FAM107B: variants seen among roughly 807,000 people sequenced by gnomAD.
FAM107B encodes the protein family with sequence similarity 107 member B.
FAM107B carries 21 observed loss-of-function variants against 31.5 expected under a neutral mutation model. That is an observed-to-expected ratio of 0.67 (90% confidence interval 0.47 to 0.96). The LOEUF (loss-of-function observed/expected upper bound fraction) is 0.96, where lower values mean the gene tolerates loss of function less well. Ranked by LOEUF, FAM107B falls within the 40% of genes least tolerant of loss-of-function variation. The pLI is 0.00. For synonymous variants in FAM107B, 157 were observed against 141.5 expected (o/e 1.11, Z -0.78); for missense variants, 452 against 377.1 (o/e 1.20, Z -1.64).
At chr10:14,609,806 G>A (rs995251088) in intron 2 of FAM107B, among the ~76,000 whole-genome samples, 1 of 152,208 alleles carries the variant, frequency 6.6e-6, no homozygotes, top group African/African-American at 2.4e-5. Context: ...ACAGATGGAA[G>A]GACAGGCAAA....
chr10:14,754,025 G>T lies in FAM107B; in HGVS notation c.411+20228C>A, dbSNP rs1243449210. The stretch of plus-strand genomic sequence containing the variant: ...ACCATCTCAGCTCACTGCAACTCCT[G>T]CCTCCTGGGTTCAAGCGATTCTCCC... On this transcript the variant is annotated intron_variant, in intron 1 of 4. Transcript: ENST00000181796. 2.0e-5 allele frequency among the ~76,000 whole-genome samples: 3 copies of T among 149,416 alleles called. No individual in the cohort carries two copies. The Admixed American group carries it at 2.0e-4, about 10-fold the overall frequency.
chr10:14,622,685 C>T (rs1441574307), intron 2 of FAM107B, among the ~76,000 whole-genome samples: 1 of 152,182 alleles, frequency 6.6e-6, no homozygotes, highest in Admixed American at 6.5e-5. Flanking sequence ...TAGACACACT[C>T]TTATTGGCTA....
At chr10:14,604,224 CG>C in intron 2 of FAM107B, 2 of 979,640 alleles carry the variant, frequency 2.0e-6, no homozygotes, top group African/African-American at 1.8e-5. Context: ...AAAGTAAGTG[CG>C]GGAGGCGAAC....
At chr10:14,701,223 T>G (rs1241792371) in intron 1 of FAM107B, among the ~76,000 whole-genome samples, 1 of 152,038 alleles carries the variant, frequency 6.6e-6, no homozygotes, top group Non-Finnish European at 1.5e-5. Flanking sequence ...CTTCATTTTA[T>G]TATTTATTTC....
intron 2 of FAM107B, among the ~76,000 whole-genome samples, chr10:14,652,213 T>C (rs897630875): frequency 7.2e-5 from 11 of 152,144 alleles, no homozygotes; most frequent in African/African-American, 2.7e-4. Flanking sequence ...AGCATGACTT[T>C]CTATGCACAT....
chr10:14,729,787 C>T (rs1464720375), intron 1 of FAM107B, among the ~76,000 whole-genome samples: 2 of 152,268 alleles, frequency 1.3e-5, no homozygotes, highest in East Asian at 3.9e-4. Flanking sequence ...TGGAACCAAC[C>T]CAGATGCCCA....
At chr10:14,536,945 G>A (rs1017553726) in intron 2 of FAM107B, among the ~76,000 whole-genome samples, 11 of 152,092 alleles carry the variant, frequency 7.2e-5, no homozygotes, top group East Asian at 3.8e-4. Flanking sequence ...TTCATCCCCC[G>A]AAAATGTATT....
intron 1 of FAM107B, among the ~76,000 whole-genome samples, chr10:14,710,736 T>C (rs1186709407): frequency 4.6e-5 from 7 of 152,046 alleles, no homozygotes; most frequent in Non-Finnish European, 8.8e-5. Context: ...ATAAATTTTT[T>C]TAAAAAGAAA....
intron 1 of FAM107B, among the ~76,000 whole-genome samples, chr10:14,711,844 A>T (rs1855654374): frequency 6.6e-6 from 1 of 152,162 alleles, no homozygotes; most frequent in African/African-American, 2.4e-5. Context: ...GGGTTTCACC[A>T]TGTTGGCCAG....
intron 2 of FAM107B, among the ~76,000 whole-genome samples, chr10:14,663,982 C>T (rs181903580): frequency 9.3e-5 from 14 of 150,672 alleles, no homozygotes; most frequent in Admixed American, 6.0e-4. Flanking sequence ...TTTATAAACA[C>T]CCTGGCTGAC....
At chr10:14,555,437 C>T (rs1204275999) in intron 2 of FAM107B, among the ~76,000 whole-genome samples, 2 of 152,148 alleles carry the variant, frequency 1.3e-5, no homozygotes, top group African/African-American at 4.8e-5. Flanking sequence ...GAATCATACT[C>T]CCACTGACAT....
intron 1 of FAM107B, among the ~76,000 whole-genome samples, chr10:14,681,698 A>G (rs933220464): frequency 6.6e-6 from 1 of 152,080 alleles, no homozygotes; most frequent in Non-Finnish European, 1.5e-5. Context: ...ACCTCCCAGA[A>G]CCTCATGGAA....
intron 2 of FAM107B, among the ~76,000 whole-genome samples, chr10:14,588,529 G>C (rs1360217876): frequency 6.6e-6 from 1 of 152,104 alleles, no homozygotes; most frequent in African/African-American, 2.4e-5. Context: ...CTTCACACAG[G>C]TAAGTGGGTC....
chr10:14,603,046 G>A (rs1852455774), intron 2 of FAM107B, among the ~76,000 whole-genome samples: 1 of 150,198 alleles, frequency 6.7e-6, no homozygotes, highest in Non-Finnish European at 1.5e-5. Flanking sequence ...CACTATGGCT[G>A]CCAAGTCATA....
At chr10:14,701,061 G>T (rs986867792) in intron 1 of FAM107B, among the ~76,000 whole-genome samples, 11 of 151,858 alleles carry the variant, frequency 7.2e-5, no homozygotes, top group Admixed American at 5.9e-4. Flanking sequence ...TGGAAGCATT[G>T]AATGCCTCTG....
At chr10:14,687,000 G>A (rs1309521338) in intron 1 of FAM107B, among the ~76,000 whole-genome samples, 1 of 152,196 alleles carries the variant, frequency 6.6e-6, no homozygotes, top group African/African-American at 2.4e-5. Flanking sequence ...TTGCTTTTCA[G>A]GAATTTCAGG....
intron 2 of FAM107B, among the ~76,000 whole-genome samples, chr10:14,592,026 G>T (rs1193142418): frequency 6.6e-6 from 1 of 152,230 alleles, no homozygotes; most frequent in Admixed American, 6.5e-5. Context: ...GACAGACTTT[G>T]TTCAAATCCT....
In FAM107B at chr10:14,606,406, C is replaced by T. The variant is rs548740973; in HGVS notation, c.469+61228G>A. ...ATTGCACTGTATCGTAAATATGTGC[C>T]TCTGTGAGCCCAGAGTTGATGCTTG... On this transcript the variant is annotated intron_variant, in intron 2 of 4. Transcript: ENST00000181796. 2.0e-5 allele frequency among the ~76,000 whole-genome samples: 3 copies of T among 152,234 alleles called. No individual in the cohort carries two copies. The East Asian group carries it at 5.8e-4, about 30-fold the overall frequency.
chr10:14,755,862 A>G (rs1832920098), intron 1 of FAM107B, among the ~76,000 whole-genome samples: 1 of 152,218 alleles, frequency 6.6e-6, no homozygotes, highest in Non-Finnish European at 1.5e-5. Context: ...TCAGAAGAGT[A>G]AATTTTACTC....
Sources: allele counts gnomAD v4.1 joint callset (sites outside exome capture counted in the v4.1 genomes callset), GRCh38; gene constraint gnomAD v4.1.1; transcripts MANE v1.5; gene names NCBI Gene and HGNC (gene_info 2026-07-23, HGNC 2026-07-21).